The following ROBO2 variants were observed in gnomAD, a reference collection of about 807,000 sequenced individuals.
The protein encoded by ROBO2 is roundabout guidance receptor 2.
ROBO2 carries 53 observed loss-of-function variants against 160.8 expected under a neutral mutation model. The ratio of observed to expected loss-of-function variants is 0.33; its 90% CI spans 0.26 to 0.41. The LOEUF is 0.41. Among genes scored for constraint, ROBO2 ranks in the 10% least tolerant of loss-of-function variants. The pLI, the probability that ROBO2 is intolerant of heterozygous loss-of-function variation, is 1.00. For missense variants in ROBO2, 1,577 were observed against 1,722.4 expected, an observed-to-expected ratio of 0.92 and a Z score of 1.49; for synonymous variants, 664 against 611.7, an observed-to-expected ratio of 1.09 and a Z score of -1.26.
chr3:76,359,771 TCTTTC>T lies in ROBO2; in HGVS notation c.109+422174_109+422178del, dbSNP rs542017797. Among the ~76,000 whole-genome samples, 238 of 152,236 alleles carry T rather than the reference TCTTTC, an allele frequency of 1.6e-3. 3 individuals are homozygous for T. The South Asian group carries it at 0.023, about 15-fold the overall frequency. Reference sequence around the variant, plus strand: ...ATATGTCATTTCTTTGGTAGCTATCTCTTTCCTTTACTTCCTAAGACTACTTTTAG... The same window carrying T: ...ATATGTCATTTCTTTGGTAGCTATCTCTTTACTTCCTAAGACTACTTTTAG... On this transcript the variant is annotated intron_variant, in intron 2 of 26. Transcript: ENST00000487694.
intron 2 of ROBO2, among the ~76,000 whole-genome samples, chr3:76,594,846 T>C (rs1049793066): frequency 3.3e-5 from 5 of 152,090 alleles, no homozygotes; most frequent in African/African-American, 9.7e-5. Flanking sequence ...AGCTAAAAAG[T>C]GACCAACCTG....
chr3:77,423,659 C>T (rs2077918479), intron 2 of ROBO2, among the ~76,000 whole-genome samples: 1 of 152,090 alleles, frequency 6.6e-6, no homozygotes, highest in Admixed American at 6.6e-5. Context: ...CTATATGTGC[C>T]CAGCATTTTT....
At chr3:77,602,229 A>C in exon 20 of ROBO2, 1 of 1,614,166 alleles carries the variant, frequency 6.2e-7, no homozygotes, top group East Asian at 2.2e-5. Context: ...CACCAGTTCC[A>C]GGCCAAGGGG....
chr3:76,459,428 T>C (rs2077965106), intron 2 of ROBO2, among the ~76,000 whole-genome samples: 1 of 152,216 alleles, frequency 6.6e-6, no homozygotes, highest in Admixed American at 6.5e-5. Flanking sequence ...TCTATTCATG[T>C]ATCAAAGAGT....
chr3:76,453,818 C>G (rs536561007), intron 2 of ROBO2, among the ~76,000 whole-genome samples: 1 of 152,186 alleles, frequency 6.6e-6, no homozygotes, highest in South Asian at 2.1e-4. Context: ...TTAGTAGTTA[C>G]TATTTGGTAC....
chr3:77,530,621 A>G (rs907587986), intron 6 of ROBO2, among the ~76,000 whole-genome samples: 2 of 152,000 alleles, frequency 1.3e-5, no homozygotes, highest in Non-Finnish European at 2.9e-5. Context: ...TCACTTGCTC[A>G]TCTGCAGTGT....
chr3:77,578,597 A>G (rs1437049035), intron 15 of ROBO2, among the ~76,000 whole-genome samples: 2 of 152,122 alleles, frequency 1.3e-5, no homozygotes, highest in African/African-American at 2.4e-5. Flanking sequence ...GCTAAAGCAA[A>G]TGAATGGACT....
chr3:77,225,869 G>A (rs957300517), intron 2 of ROBO2, among the ~76,000 whole-genome samples: 48 of 152,070 alleles, frequency 3.2e-4, no homozygotes, highest in African/African-American at 1.1e-3. Flanking sequence ...ATGACTTCCT[G>A]CTATGGAGAT....
rs544223801 is a variant in ROBO2, at chr3:76,171,818, T to C, written c.109+234216T>C. ...AAGCTAAATATCTTAAAGAACCCTA[T>C]TATTTTTGGCCGATGACTCAGCAAA... On this transcript the variant is annotated intron_variant, in intron 2 of 26. Transcript: ENST00000487694. Among the ~76,000 whole-genome samples the C allele has an allele frequency of 3.9e-5, 6 of 152,200 alleles. No homozygotes were observed. In the South Asian group the frequency reaches 1.2e-3, roughly 32 times the overall value.
chr3:76,087,284 T>C (rs2069052239), intron 2 of ROBO2, among the ~76,000 whole-genome samples: 1 of 151,974 alleles, frequency 6.6e-6, no homozygotes, highest in African/African-American at 2.4e-5. Flanking sequence ...TTAAAATACC[T>C]TAATTATAAA....
intron 2 of ROBO2, among the ~76,000 whole-genome samples, chr3:76,860,788 A>G (rs765910558): frequency 2.6e-5 from 4 of 152,192 alleles, no homozygotes; most frequent in African/African-American, 4.8e-5. Flanking sequence ...ACTTGTCCCT[A>G]GATGCTTCTT....
At chr3:77,063,185 G>T (rs949759198) in intron 1 of ROBO2, among the ~76,000 whole-genome samples, 2 of 152,174 alleles carry the variant, frequency 1.3e-5, no homozygotes, top group Admixed American at 1.3e-4. Flanking sequence ...TGGACAGCTT[G>T]GGTTGAGTTC....
At chr3:77,563,792 T>A (rs1170695494) in intron 11 of ROBO2, among the ~76,000 whole-genome samples, 1 of 152,138 alleles carries the variant, frequency 6.6e-6, no homozygotes, top group African/African-American at 2.4e-5. Context: ...TACATACATC[T>A]ATTAGATATG....
chr3:76,315,834 G>T (rs1189639222), intron 2 of ROBO2, among the ~76,000 whole-genome samples: 1 of 151,902 alleles, frequency 6.6e-6, no homozygotes, highest in African/African-American at 2.4e-5. Flanking sequence ...ACTTAATATT[G>T]GGGGAACCAG....
At chr3:76,341,574 A>G (rs543352727) in intron 2 of ROBO2, among the ~76,000 whole-genome samples, 1 of 151,520 alleles carries the variant, frequency 6.6e-6, no homozygotes, top group Admixed American at 6.6e-5. Context: ...CATTTACATT[A>G]GGCCAACTGA....
chr3:77,607,831 A>G, exon 21 of ROBO2: 1 of 1,613,752 alleles, frequency 6.2e-7, no homozygotes, highest in Non-Finnish European at 8.5e-7. Flanking sequence ...AAAAATAAAA[A>G]CTCTTCTAAA....
chr3:76,009,465 C>T (rs1030216526), intron 2 of ROBO2, among the ~76,000 whole-genome samples: 8 of 152,236 alleles, frequency 5.3e-5, no homozygotes, highest in African/African-American at 1.4e-4. Flanking sequence ...CAGAGCCCTT[C>T]GTTCTCTGTG....
At chr3:77,383,621 T>A (rs2073785922) in intron 2 of ROBO2, among the ~76,000 whole-genome samples, 1 of 152,108 alleles carries the variant, frequency 6.6e-6, no homozygotes, top group Non-Finnish European at 1.5e-5. Context: ...TTTAACTATT[T>A]TTTGGTTTGT....
At chr3:77,391,684 G>A (rs956031439) in intron 2 of ROBO2, among the ~76,000 whole-genome samples, 3 of 151,960 alleles carry the variant, frequency 2.0e-5, no homozygotes, top group Non-Finnish European at 2.9e-5. Context: ...CAGCCAAACC[G>A]TGTAAGATGC....
Sources: gnomAD v4.1 joint callset for allele counts (sites outside exome capture counted in the v4.1 genomes callset) on GRCh38, gnomAD v4.1.1 for gene constraint, MANE v1.5 for transcripts, NCBI Gene and HGNC (gene_info 2026-07-23, HGNC 2026-07-21) for gene names.